BMPR1A: variants seen among roughly 807,000 people sequenced by gnomAD.
The protein encoded by BMPR1A is bone morphogenetic protein receptor type 1A, also known as bone morphogenetic protein receptor type-1A.
A neutral mutation model predicts 66.0 loss-of-function variants in BMPR1A; 7 were observed. The observed-to-expected ratio is 0.11, with a 90% CI of 0.06 to 0.20. The LOEUF is 0.20. Ranked by LOEUF, BMPR1A falls within the 10% of genes least tolerant of loss-of-function variation. The pLI, the probability that BMPR1A is intolerant of heterozygous loss-of-function variation, is 1.00. For missense variants in BMPR1A, 408 were observed against 669.1 expected (o/e 0.61, Z 4.31); for synonymous variants, 200 against 229.7 (o/e 0.87, Z 1.17).
intron 2 of BMPR1A, among the ~76,000 whole-genome samples, chr10:86,841,850 T>C (rs74153415): frequency 0.082 from 12,471 of 152,184 alleles, 615 homozygotes; most frequent in African/African-American, 0.094. Context: ...TTTAATTAGT[T>C]GTGCCTACAG....
intron 2 of BMPR1A, among the ~76,000 whole-genome samples, chr10:86,870,278 T>C (rs549689849): frequency 6.6e-6 from 1 of 152,324 alleles, no homozygotes; most frequent in South Asian, 2.1e-4. Context: ...CTCAGATCTC[T>C]AAATTTGAAC....
At chr10:86,766,600 A>G (rs1037033557) in intron 1 of BMPR1A, among the ~76,000 whole-genome samples, 5 of 149,972 alleles carry the variant, frequency 3.3e-5, no homozygotes, top group East Asian at 2.0e-4. Flanking sequence ...CTCTCCTCCC[A>G]ACATAATCAT....
chr10:86,778,149 G>A lies in BMPR1A; in HGVS notation c.-268+21230G>A, dbSNP rs191527700. On this transcript the variant is annotated intron_variant, in intron 1 of 12. Coordinates refer to ENST00000372037, the MANE Select transcript of BMPR1A (RefSeq NM_004329.3). ...CAGGCTTGTCCAACTCATGGCTCAT[G>A]GGCTACATGTGGCCCAGGATAGCTT... Among the ~76,000 whole-genome samples the A allele has an allele frequency of 1.2e-4, 19 of 152,114 alleles. No individual in the cohort carries two copies. The East Asian group carries it at 3.7e-3, about 29-fold the overall frequency.
At chr10:86,911,572 C>T (rs1344816181) in intron 7 of BMPR1A, among the ~76,000 whole-genome samples, 1 of 151,906 alleles carries the variant, frequency 6.6e-6, no homozygotes, top group African/African-American at 2.4e-5. Context: ...ATAGCAAAAC[C>T]CCATCTCTAC....
chr10:86,921,430 A>G, intron 10 of BMPR1A, 90 bp from the exon 11 acceptor site: 5 of 1,557,972 alleles, frequency 3.2e-6, no homozygotes, highest in Non-Finnish European at 4.4e-6. Context: ...CCAAGGAGAA[A>G]AAGAAGCTTT....
chr10:86,866,079 G>A (rs1419071233), intron 2 of BMPR1A, among the ~76,000 whole-genome samples: 1 of 152,192 alleles, frequency 6.6e-6, no homozygotes, highest in Non-Finnish European at 1.5e-5. Context: ...TTGGGAAAAA[G>A]AAAGTCCCTT....
intron 2 of BMPR1A, among the ~76,000 whole-genome samples, chr10:86,850,308 G>T (rs182457014): frequency 6.7e-6 from 1 of 148,544 alleles, no homozygotes; most frequent in Non-Finnish European, 1.5e-5. Flanking sequence ...GTGACAGAGC[G>T]GACTCCATTT....
intron 1 of BMPR1A, among the ~76,000 whole-genome samples, chr10:86,794,161 G>C (rs1364874664): frequency 6.6e-6 from 1 of 152,174 alleles, no homozygotes. Context: ...GGATTAGGAT[G>C]TGAATGTCTG....
At chr10:86,765,986 A>ATTT (rs1841155263) in intron 1 of BMPR1A, among the ~76,000 whole-genome samples, 1 of 71,254 alleles carries the variant, frequency 1.4e-5, no homozygotes, top group Non-Finnish European at 2.6e-5. Flanking sequence ...CAATTTCCTC[A>ATTT]TTCTTTTTTT....
rs79036280 is a variant in BMPR1A at position 86,894,841 on chromosome 10, G to A, written c.333+2612G>A. ...TTCATGCTGTTACCCATATCCCTGGGTACACTCAGACTGTGTTATACAAGG... is the reference window on the plus strand; with the variant it reads ...TTCATGCTGTTACCCATATCCCTGGATACACTCAGACTGTGTTATACAAGG... On this transcript the variant is annotated intron_variant, in intron 5 of 12. Transcript: ENST00000372037. Among the ~76,000 whole-genome samples the A allele has an allele frequency of 1.2e-3, 186 of 152,248 alleles. 1 individual carries two copies. Among genetic ancestry groups the A allele is most frequent in the African/African-American group, 4.3e-3 (180 of 41,548 alleles).
intron 2 of BMPR1A, chr10:86,855,054 T>A: frequency 9.2e-6 from 2 of 217,204 alleles, no homozygotes; most frequent in Non-Finnish European, 1.8e-5. Flanking sequence ...CTCCTCAGCC[T>A]CCCAAGTAGC....
chr10:86,791,275 C>T (rs1589717865), intron 1 of BMPR1A, among the ~76,000 whole-genome samples: 1 of 150,020 alleles, frequency 6.7e-6, no homozygotes, highest in East Asian at 2.0e-4. Flanking sequence ...TGCAGTGGTG[C>T]GATCTCGGCT....
chr10:86,849,079 C>T (rs947683188), intron 2 of BMPR1A, among the ~76,000 whole-genome samples: 10 of 152,178 alleles, frequency 6.6e-5, no homozygotes, highest in Middle Eastern at 3.2e-3. Context: ...TGCTCTGAAA[C>T]CTCCAGTGAT....
chr10:86,760,001 T>C (rs1320247899), intron 1 of BMPR1A, among the ~76,000 whole-genome samples: 1 of 103,230 alleles, frequency 9.7e-6, no homozygotes, highest in East Asian at 3.5e-4. Context: ...TAACTCTAAA[T>C]CAAGTTCTCA....
Position 86,847,218 on chromosome 10 carries a change from G to A in BMPR1A, c.-153+8239G>A, listed in dbSNP as rs1207007377. 1.7e-4 allele frequency among the ~76,000 whole-genome samples: 26 copies of A among 152,086 alleles called. 1 individual carries two copies. The highest frequency in any genetic ancestry group is 1.7e-3 in the Admixed American group (26 of 15,268). ...ACTTGCAGCTCCATATGGTATAGTG[G>A]GGAGAGCATGCCACAAGGTTTTCAG... On this transcript the variant is annotated intron_variant, in intron 2 of 12. Coordinates refer to ENST00000372037, the MANE Select transcript of BMPR1A (RefSeq NM_004329.3).
At chr10:86,776,008 G>A in intron 1 of BMPR1A, among the ~76,000 whole-genome samples, 1 of 152,030 alleles carries the variant, frequency 6.6e-6, no homozygotes. Flanking sequence ...TCCAACTCCT[G>A]ACACCTTCCA....
At chr10:86,876,229 G>T in intron 3 of BMPR1A, 144 bp downstream of exon 3, 2 of 736,040 alleles carry the variant, frequency 2.7e-6, no homozygotes, top group South Asian at 1.6e-5. Flanking sequence ...GATGAAACAC[G>T]TGCCAAATAA....
intron 2 of BMPR1A, among the ~76,000 whole-genome samples, chr10:86,860,105 T>A (rs371161506): frequency 1.3e-5 from 2 of 151,824 alleles, no homozygotes; most frequent in South Asian, 4.2e-4. Flanking sequence ...CACCTGTGAA[T>A]AGCTCCTGCA....
chr10:86,920,856 CTTTT>C (rs397774280), intron 10 of BMPR1A, among the ~76,000 whole-genome samples: 1 of 122,200 alleles, frequency 8.2e-6, no homozygotes. Context: ...CTTTTCTTTT[CTTTT>C]TTTTTTTTTT....
Sources: gnomAD v4.1 joint callset for allele counts (sites outside exome capture counted in the v4.1 genomes callset) on GRCh38, gnomAD v4.1.1 for gene constraint, MANE v1.5 for transcripts, NCBI Gene and HGNC (gene_info 2026-07-23, HGNC 2026-07-21) for gene names.